The following CEP192 variants were observed in gnomAD, a reference collection of about 807,000 sequenced individuals.
CEP192 encodes centrosomal protein of 192 kDa.
CEP192 carries 151 observed loss-of-function variants against 271.8 expected under a neutral mutation model. The observed-to-expected ratio is 0.56, with a 90% confidence interval of 0.49 to 0.64. The LOEUF (loss-of-function observed/expected upper bound fraction) is 0.64. CEP192 is among the 30% of genes least tolerant of loss of function. CEP192 has a pLI of 0.00. For missense variants in CEP192, 2,910 were observed against 3,020.5 expected (o/e 0.96, Z 0.86); for synonymous variants, 995 against 1,076.5 (o/e 0.92, Z 1.48).
intron 11 of CEP192, among the ~76,000 whole-genome samples, chr18:13,030,981 AGT>A (rs150656540): frequency 0.14 from 20,566 of 152,174 alleles, 1,532 homozygotes; most frequent in East Asian, 0.31. Context: ...AAAGGTAGAA[AGT>A]GTGGTAGAAA....
At position 13,086,481 on chromosome 18, in the gene CEP192, A is replaced by C. The variant is rs1344600924; in HGVS notation, c.5617-536A>C. On this transcript the variant is annotated intron_variant, in intron 30 of 44. Transcript: ENST00000506447. ...CACTTCCCAGGTAAGGCGACGCCCC[A>C]CCCTGCTTCGGCTCACCCTCCATGG... Among the ~76,000 whole-genome samples the C allele has an allele frequency of 2.6e-5, 4 of 151,992 alleles. No individual in the cohort carries two copies. In the East Asian group the frequency reaches 5.8e-4, roughly 22 times the overall value.
At chr18:13,016,470 A>G (rs1363912069) in intron 6 of CEP192, among the ~76,000 whole-genome samples, 3 of 152,210 alleles carry the variant, frequency 2.0e-5, no homozygotes, top group Non-Finnish European at 4.4e-5. Context: ...TGAGCATCAC[A>G]TCCATGGAGA....
intron 30 of CEP192, among the ~76,000 whole-genome samples, chr18:13,083,041 G>T (rs1436084827): frequency 6.6e-6 from 1 of 152,084 alleles, no homozygotes; most frequent in Non-Finnish European, 1.5e-5. Flanking sequence ...TTTGTCTCTG[G>T]CTGCCCTTAA....
intron 1 of CEP192, among the ~76,000 whole-genome samples, chr18:12,995,879 CG>C (rs2033200453): frequency 6.6e-6 from 1 of 152,038 alleles, no homozygotes; most frequent in Non-Finnish European, 1.5e-5. Flanking sequence ...GGTCCTGGAG[CG>C]GAGCTGGCTT....
chr18:13,054,181 T>C (rs1484660545), intron 18 of CEP192, among the ~76,000 whole-genome samples: 1 of 152,100 alleles, frequency 6.6e-6, no homozygotes, highest in East Asian at 1.9e-4. Context: ...GAGGGAACAG[T>C]AGGAGCAAAA....
chr18:13,052,919 G>T lies in CEP192; in HGVS notation c.3018G>T (p.Gly1006=), dbSNP rs1568340881. 3.1e-6 allele frequency: 5 copies of T among 1,587,746 alleles called. No individual in the cohort carries two copies. Among genetic ancestry groups the T allele is most frequent in the Non-Finnish European group, 4.3e-6 (5 of 1,164,676 alleles). The change falls in exon 18 of 45, where the codon GGG becomes GGT. Residue 1006 remains glycine, a splice_region_variant and synonymous_variant. Transcript: ENST00000506447. ...PSEISGTSSS[G]CALESFGSAA... is the part of the protein sequence containing the mutation. ...GGTGTGAGCTACTCTTCTCTTTCAG[G>T]TGTGCGTTAGAGTCCTTTGGTTCAG...
intron 9 of CEP192, chr18:13,024,325 C>G (rs1283467544): frequency 2.2e-6 from 1 of 456,326 alleles, no homozygotes; most frequent in South Asian, 1.5e-5. Context: ...TTTCTTTTGA[C>G]TAGTGTTTTA....
intron 30 of CEP192, among the ~76,000 whole-genome samples, chr18:13,083,404 G>A (rs897493321): frequency 1.3e-5 from 2 of 152,142 alleles, no homozygotes; most frequent in Admixed American, 6.5e-5. Flanking sequence ...ACTTGATCGA[G>A]TTGGCTATTG....
chr18:13,011,091 G>A (rs1397314904), intron 4 of CEP192, among the ~76,000 whole-genome samples: 2 of 151,800 alleles, frequency 1.3e-5, no homozygotes, highest in African/African-American at 4.8e-5. Context: ...GCTGGGCGTG[G>A]TGGCGGGCGC....
intron 20 of CEP192, 156 bp from the exon 21 acceptor site, chr18:13,058,926 G>T: frequency 1.6e-6 from 1 of 616,204 alleles, no homozygotes; most frequent in East Asian, 2.8e-5. Flanking sequence ...GTACTTCAGA[G>T]ACCATAAATG....
At chr18:13,084,348 G>A (rs1015244982) in intron 30 of CEP192, among the ~76,000 whole-genome samples, 13 of 152,118 alleles carry the variant, frequency 8.5e-5, no homozygotes, top group East Asian at 3.9e-4. Flanking sequence ...CCCTCCCCCC[G>A]TCAGGCTACT....
intron 9 of CEP192, among the ~76,000 whole-genome samples, chr18:13,024,089 A>G (rs556515504): frequency 1.3e-5 from 2 of 152,196 alleles, no homozygotes; most frequent in East Asian, 3.9e-4. Flanking sequence ...AGGAGTGTTG[A>G]GGTCACCAGT....
intron 30 of CEP192, among the ~76,000 whole-genome samples, chr18:13,085,843 G>C (rs1390771570): frequency 6.6e-6 from 1 of 151,896 alleles, no homozygotes; most frequent in Non-Finnish European, 1.5e-5. Context: ...CTCCAGCTTT[G>C]TTCATTTTGC....
At chr18:13,003,526 G>A (rs1219648322) in intron 3 of CEP192, among the ~76,000 whole-genome samples, 1 of 151,832 alleles carries the variant, frequency 6.6e-6, no homozygotes, top group African/African-American at 2.4e-5. Context: ...ACGCCAGGGG[G>A]AAGCAGACTT....
chr18:12,994,196 A>T (rs1169002225), intron 1 of CEP192, among the ~76,000 whole-genome samples: 1 of 152,230 alleles, frequency 6.6e-6, no homozygotes, highest in Admixed American at 6.5e-5. Context: ...AAATACAAGA[A>T]TAAATAGTGA....
At chr18:12,993,720 A>T (rs931654818) in intron 1 of CEP192, among the ~76,000 whole-genome samples, 5 of 152,128 alleles carry the variant, frequency 3.3e-5, no homozygotes, top group African/African-American at 1.2e-4. Flanking sequence ...CATTTGTGCT[A>T]TGTGGACTGG....
At chr18:13,109,432 A>G (rs1568432592) in intron 40 of CEP192, among the ~76,000 whole-genome samples, 1 of 152,186 alleles carries the variant, frequency 6.6e-6, no homozygotes, top group South Asian at 2.1e-4. Context: ...ATTGGGTACT[A>G]TGCTCAGTAC....
chr18:12,996,330 G>GT (rs2145751428), intron 1 of CEP192, among the ~76,000 whole-genome samples: 1 of 152,242 alleles, frequency 6.6e-6, no homozygotes. Context: ...GATGACTACG[G>GT]TTTTTGGCCT....
At chr18:13,043,150 T>C (rs897277560) in intron 15 of CEP192, among the ~76,000 whole-genome samples, 13 of 152,240 alleles carry the variant, frequency 8.5e-5, no homozygotes, top group African/African-American at 2.9e-4. Flanking sequence ...ATAAAGCTGG[T>C]TCTTGCTCAT....
Sources: allele counts gnomAD v4.1 joint callset (sites outside exome capture counted in the v4.1 genomes callset), GRCh38; gene constraint gnomAD v4.1.1; transcripts MANE v1.5; gene names NCBI Gene and HGNC (gene_info 2026-07-23, HGNC 2026-07-21).